The following TMEM108 variants were observed in gnomAD, a reference collection of about 807,000 sequenced individuals.
TMEM108 encodes transmembrane protein 108.
Under a neutral mutation model 35.1 loss-of-function variants are expected in TMEM108, and 12 were observed. The ratio of observed to expected loss-of-function variants is 0.34; its 90% confidence interval spans 0.22 to 0.55. The LOEUF is 0.55. TMEM108 is among the 20% of genes least tolerant of loss of function. TMEM108 has a pLI of 0.89. For synonymous variants in TMEM108, 287 were observed against 308.6 expected, an observed-to-expected ratio of 0.93 and a Z score of 0.73; for missense variants, 680 against 753.3, an observed-to-expected ratio of 0.90 and a Z score of 1.14.
intron 2 of TMEM108, among the ~76,000 whole-genome samples, chr3:133,221,924 A>G (rs1409184629): frequency 6.6e-6 from 1 of 152,140 alleles, no homozygotes; most frequent in Admixed American, 6.5e-5. Context: ...TTTATATTTT[A>G]ACCTCCATAC....
rs368931254 is a variant in TMEM108 at position 133,381,043 on chromosome 3, A to G, written c.1332A>G (p.Ala444=). Residue 444 remains alanine, a synonymous_variant, in exon 4 of 6, where the codon GCA becomes GCG. Transcript: ENST00000321871. The stretch of plus-strand genomic sequence containing the variant: ...CCGGGACCTGGAAGCCTGGGACAGC[A>G]GGGAACATCTCCCATGTGGCCGAGG... ...VPAGTWKPGT[A]GNISHVAEGD... The G allele has an allele frequency of 8.7e-6, 14 of 1,614,114 alleles. No homozygotes were observed. The highest frequency in any genetic ancestry group is 3.3e-5 in the Admixed American group (2 of 60,008).
At chr3:133,383,358 A>G (rs2073062932) in intron 4 of TMEM108, among the ~76,000 whole-genome samples, 1 of 152,196 alleles carries the variant, frequency 6.6e-6, no homozygotes, top group African/African-American at 2.4e-5. Context: ...AGGTGAAGTG[A>G]TTGACCCAAG....
chr3:133,057,435 GTATATATATATA>G (rs56983894), intron 2 of TMEM108, among the ~76,000 whole-genome samples: 927 of 45,682 alleles, frequency 0.02, 14 homozygotes, highest in Non-Finnish European at 0.028. Flanking sequence ...GTGTGTGTGT[GTATATATATATA>G]TATATATATA....
intron 2 of TMEM108, among the ~76,000 whole-genome samples, chr3:133,096,803 A>G (rs1157780565): frequency 2.0e-5 from 3 of 152,218 alleles, no homozygotes; most frequent in East Asian, 1.9e-4. Context: ...ATAATACGCA[A>G]CAGAAGACTG....
chr3:133,328,978 A>G (rs2071362959), intron 3 of TMEM108, among the ~76,000 whole-genome samples: 1 of 151,886 alleles, frequency 6.6e-6, no homozygotes, highest in Admixed American at 6.6e-5. Context: ...TTATTACATC[A>G]TGGTGGTATT....
At chr3:133,301,654 A>G (rs1264784316) in intron 3 of TMEM108, among the ~76,000 whole-genome samples, 1 of 152,142 alleles carries the variant, frequency 6.6e-6, no homozygotes, top group African/African-American at 2.4e-5. Flanking sequence ...TTTGGATGGG[A>G]TTAGGGGAAA....
intron 2 of TMEM108, among the ~76,000 whole-genome samples, chr3:133,083,304 C>T (rs1026733521): frequency 1.2e-4 from 19 of 152,084 alleles, no homozygotes; most frequent in African/African-American, 4.6e-4. Flanking sequence ...CTCCTCATCC[C>T]CCTCCCAGCA....
intron 4 of TMEM108, chr3:133,389,001 T>A (rs1291058468): frequency 1.0e-6 from 1 of 985,598 alleles, no homozygotes; most frequent in Non-Finnish European, 1.2e-6. Flanking sequence ...ATGTCAGATG[T>A]GGCTCTTGGC....
intron 3 of TMEM108, among the ~76,000 whole-genome samples, chr3:133,357,343 T>C (rs959851448): frequency 2.0e-5 from 3 of 152,144 alleles, no homozygotes; most frequent in African/African-American, 7.2e-5. Context: ...TGTAAATTAG[T>C]AAAACCACTA....
chr3:133,106,099 G>A (rs535445484), intron 2 of TMEM108, among the ~76,000 whole-genome samples: 68 of 151,730 alleles, frequency 4.5e-4, no homozygotes, highest in African/African-American at 1.3e-3. Flanking sequence ...TGCAGAATAT[G>A]GGAAGACTGT....
At chr3:133,362,216 G>A (rs998187479) in intron 3 of TMEM108, among the ~76,000 whole-genome samples, 13 of 152,212 alleles carry the variant, frequency 8.5e-5, no homozygotes, top group African/African-American at 2.9e-4. Flanking sequence ...CGCTGTGCAT[G>A]AAGATGATAT....
At chr3:133,345,212 T>C (rs963483558) in intron 3 of TMEM108, among the ~76,000 whole-genome samples, 6 of 151,862 alleles carry the variant, frequency 4.0e-5, no homozygotes, top group African/African-American at 1.4e-4. Context: ...TCAAATTATA[T>C]ACATCAAGAT....
Position 133,380,161 on chromosome 3 carries a change from C to T in TMEM108, c.450C>T (p.Thr150=), listed in dbSNP as rs368132206. 1.7e-5 allele frequency: 27 copies of T among 1,612,842 alleles called. No homozygotes were observed. The highest frequency in any genetic ancestry group is 2.0e-5 in the Non-Finnish European group (24 of 1,179,548). ...TGCTGACAAAGCCACCGGGGGCCAC[C>T]AGCCGCCCCACCACAGCGCCCCCCC... is the stretch of plus-strand genomic sequence containing the variant. ...TILLTKPPGA[T]SRPTTAPPRT... The change falls in exon 4 of 6, where the codon ACC becomes ACT. Residue 150 remains threonine, a synonymous_variant. Transcript: ENST00000321871. This position sits in a 1 kb window ranked among gnomAD's most constrained non-coding sequence, Gnocchi z 5.3.
chr3:133,231,409 T>C (rs900585047), intron 3 of TMEM108, among the ~76,000 whole-genome samples: 1 of 152,014 alleles, frequency 6.6e-6, no homozygotes, highest in Non-Finnish European at 1.5e-5. Context: ...CACTGCAGAG[T>C]GTTTGGGACC....
intron 3 of TMEM108, among the ~76,000 whole-genome samples, chr3:133,258,912 G>A (rs1461765338): frequency 6.6e-6 from 1 of 152,256 alleles, no homozygotes; most frequent in Admixed American, 6.5e-5. Context: ...AAAGTGAAAT[G>A]TAAGATTGAG....
intron 2 of TMEM108, among the ~76,000 whole-genome samples, chr3:133,136,259 A>T (rs1024754929): frequency 6.6e-6 from 1 of 152,118 alleles, no homozygotes; most frequent in African/African-American, 2.4e-5. Context: ...GTCTGTTTTT[A>T]TCTTAGCACT....
chr3:133,080,289 G>A (rs1479934140), intron 2 of TMEM108, among the ~76,000 whole-genome samples: 1 of 152,124 alleles, frequency 6.6e-6, no homozygotes, highest in Non-Finnish European at 1.5e-5. Flanking sequence ...ATAGGAATAA[G>A]GAACTGATGG....
At chr3:133,080,508 T>C (rs921588860) in intron 2 of TMEM108, among the ~76,000 whole-genome samples, 19 of 152,216 alleles carry the variant, frequency 1.2e-4, no homozygotes, top group Non-Finnish European at 1.3e-4. Context: ...TGTTCCTTCT[T>C]CAAGGCCCAA....
At chr3:133,129,355 C>G (rs796678372) in intron 2 of TMEM108, among the ~76,000 whole-genome samples, 1 of 134,408 alleles carries the variant, frequency 7.4e-6, no homozygotes, top group Non-Finnish European at 1.6e-5. Flanking sequence ...CACACCCCCC[C>G]CCCCAAAAAA....
Sources: allele counts gnomAD v4.1 joint callset (sites outside exome capture counted in the v4.1 genomes callset), GRCh38; gene constraint gnomAD v4.1.1; non-coding constraint Gnocchi (gnomAD v3.1); transcripts MANE v1.5; gene names NCBI Gene and HGNC (gene_info 2026-07-23, HGNC 2026-07-21).